ZFAT: variants seen among roughly 807,000 people sequenced by gnomAD.
The protein encoded by ZFAT is zinc finger and AT-hook domain containing, also known as zinc finger protein ZFAT.
In ZFAT, 64 loss-of-function variants were observed where a neutral mutation model predicts 117.7. That is an observed-to-expected ratio of 0.54 (90% CI 0.44 to 0.67). The LOEUF (loss-of-function observed/expected upper bound fraction) is 0.67, where lower values mean the gene tolerates loss of function less well. ZFAT is among the 30% of genes least tolerant of loss of function. ZFAT has a pLI of 0.00. For synonymous variants in ZFAT, 679 were observed against 615.0 expected (o/e 1.10, Z -1.54); for missense variants, 1,433 against 1,584.5 (o/e 0.90, Z 1.62).
intron 15 of ZFAT, among the ~76,000 whole-genome samples, chr8:134,484,939 T>C (rs1051989330): frequency 1.2e-4 from 18 of 152,094 alleles, no homozygotes; most frequent in African/African-American, 3.4e-4. Flanking sequence ...GGGACCATCC[T>C]TGGATGAACA....
the ZFAT span, among the ~76,000 whole-genome samples, chr8:134,739,619 C>A: frequency 1.3e-5 from 2 of 152,202 alleles, no homozygotes; most frequent in African/African-American, 2.4e-5. Context: ...TGCAGAGATA[C>A]AGGATATAGC....
the ZFAT span, among the ~76,000 whole-genome samples, chr8:134,745,059 C>T: frequency 6.6e-6 from 1 of 152,146 alleles, no homozygotes; most frequent in Non-Finnish European, 1.5e-5. Flanking sequence ...AAGGGCTCGT[C>T]TAATTTGCTC....
chr8:134,700,613 G>A (rs1833984516), intron 1 of ZFAT, among the ~76,000 whole-genome samples: 1 of 152,250 alleles, frequency 6.6e-6, no homozygotes. Flanking sequence ...ACTCCGGGCT[G>A]TGATTACCCC....
chr8:134,800,543 C>A, the ZFAT span: 1 of 514,562 alleles, frequency 1.9e-6, no homozygotes. Context: ...AAGTAAACAT[C>A]CACCTCCCAG....
intron 1 of ZFAT, among the ~76,000 whole-genome samples, chr8:134,691,475 G>A (rs972209237): frequency 1.2e-4 from 18 of 152,222 alleles, no homozygotes; most frequent in African/African-American, 4.3e-4. Context: ...AAAGACAAAC[G>A]AGAACTCTGG....
At chr8:134,682,436 G>A (rs1385672448) in intron 1 of ZFAT, among the ~76,000 whole-genome samples, 2 of 152,140 alleles carry the variant, frequency 1.3e-5, no homozygotes, top group Non-Finnish European at 2.9e-5. Flanking sequence ...CAGGCAGATC[G>A]CTTGAGCTCA....
intron 1 of ZFAT, among the ~76,000 whole-genome samples, chr8:134,667,975 C>G (rs1398380127): frequency 6.6e-6 from 1 of 152,192 alleles, no homozygotes; most frequent in Non-Finnish European, 1.5e-5. Context: ...GCGCATGGCT[C>G]CGTGGGTCCC....
At chr8:134,638,531 C>CT (rs368985964) in intron 2 of ZFAT, among the ~76,000 whole-genome samples, 5 of 137,194 alleles carry the variant, frequency 3.6e-5, no homozygotes, top group African/African-American at 1.4e-4. Flanking sequence ...TGGTGAAACT[C>CT]TGTCTCTACT....
chr8:134,491,896 A>G (rs1367909554), intron 15 of ZFAT, among the ~76,000 whole-genome samples: 2 of 152,190 alleles, frequency 1.3e-5, no homozygotes, highest in African/African-American at 4.8e-5. Context: ...TGTCCTGCCA[A>G]CCACTGTATC....
intron 15 of ZFAT, among the ~76,000 whole-genome samples, chr8:134,481,815 C>T (rs955993891): frequency 5.9e-5 from 9 of 152,194 alleles, no homozygotes; most frequent in African/African-American, 1.9e-4. Context: ...GCAGCAGCAG[C>T]GCCTGGGACC....
Position 134,480,746 on chromosome 8 carries a change from G to C in ZFAT, c.3493-2025C>G, listed in dbSNP as rs1208931539. Among the ~76,000 whole-genome samples, 11 of 152,210 alleles carry C rather than the reference G, an allele frequency of 7.2e-5. 2 individuals carry two copies. Among genetic ancestry groups the C allele is most frequent in the Admixed American group, 7.2e-4 (11 of 15,280 alleles). ...GAGGTCCCACTCACGACATGTCCGG[G>C]TCCTTTCCTGGCCTGCAAATTGGCA... On this transcript the variant is annotated intron_variant, in intron 15 of 15. Coordinates refer to ENST00000377838, the MANE Select transcript of ZFAT (RefSeq NM_020863.4).
intron 15 of ZFAT, among the ~76,000 whole-genome samples, chr8:134,480,248 C>T (rs1424154636): frequency 6.6e-6 from 1 of 152,218 alleles, no homozygotes; most frequent in Non-Finnish European, 1.5e-5. Flanking sequence ...AGGCATAAGC[C>T]ACTACACCCG....
the ZFAT span, chr8:134,784,092 A>T: frequency 6.6e-6 from 1 of 152,248 alleles, no homozygotes; most frequent in African/African-American, 2.4e-5. Context: ...CAGGCAGGAT[A>T]TTCCAGGGGC....
At chr8:134,781,831 T>C in the ZFAT span, among the ~76,000 whole-genome samples, 1 of 152,226 alleles carries the variant, frequency 6.6e-6, no homozygotes, top group African/African-American at 2.4e-5. Flanking sequence ...TTTCACTTAA[T>C]GAAGTGTAAA....
the ZFAT span, among the ~76,000 whole-genome samples, chr8:134,781,939 T>G: frequency 6.6e-6 from 1 of 152,222 alleles, no homozygotes; most frequent in Non-Finnish European, 1.5e-5. Context: ...TATGTGTTAA[T>G]AGACTATTTG....
the ZFAT span, among the ~76,000 whole-genome samples, chr8:134,820,758 G>T: frequency 1.3e-5 from 2 of 152,210 alleles, no homozygotes; most frequent in African/African-American, 2.4e-5. Context: ...TCCGACTACA[G>T]AAAGAACCCT....
chr8:134,750,344 T>C, the ZFAT span, among the ~76,000 whole-genome samples: 1 of 114,126 alleles, frequency 8.8e-6, no homozygotes, highest in Non-Finnish European at 1.9e-5. Context: ...TTATCAGTAA[T>C]AGTTTAGCTG....
intron 3 of ZFAT, among the ~76,000 whole-genome samples, chr8:134,622,695 T>C (rs1829212453): frequency 1.3e-5 from 2 of 152,152 alleles, no homozygotes; most frequent in African/African-American, 4.8e-5. Context: ...TGGGCCCTAC[T>C]GCTCTCTGGC....
intron 15 of ZFAT, among the ~76,000 whole-genome samples, chr8:134,487,146 G>T (rs1418214571): frequency 6.6e-6 from 1 of 152,104 alleles, no homozygotes; most frequent in East Asian, 1.9e-4. Context: ...ACGCAGGTAT[G>T]GGCATGGCTT....
Sources: gnomAD v4.1 joint callset for allele counts (sites outside exome capture counted in the v4.1 genomes callset) on GRCh38, gnomAD v4.1.1 for gene constraint, MANE v1.5 for transcripts, NCBI Gene and HGNC (gene_info 2026-07-23, HGNC 2026-07-21) for gene names.